FRMD3: variants seen among roughly 807,000 people sequenced by gnomAD.
FRMD3 encodes FERM domain containing 3.
In FRMD3, 33 loss-of-function variants were observed where a neutral mutation model predicts 70.2. The observed-to-expected ratio is 0.47, with a 90% CI of 0.36 to 0.63. The LOEUF is 0.63. Ranked by LOEUF, FRMD3 falls within the 20% of genes least tolerant of loss-of-function variation. The pLI, the probability that FRMD3 is intolerant of heterozygous loss-of-function variation, is 0.00. For synonymous variants in FRMD3, 279 were observed against 255.9 expected (o/e 1.09, Z -0.86); for missense variants, 632 against 711.4 (o/e 0.89, Z 1.27).
chr9:83,492,667 C>A (rs928837807), intron 1 of FRMD3, among the ~76,000 whole-genome samples: 1 of 152,170 alleles, frequency 6.6e-6, no homozygotes, highest in Non-Finnish European at 1.5e-5. Context: ...TTAATGCAGT[C>A]CTTGAAGGGT....
intron 2 of FRMD3, among the ~76,000 whole-genome samples, chr9:83,374,231 G>A (rs183506258): frequency 5.3e-5 from 8 of 152,136 alleles, no homozygotes; most frequent in African/African-American, 1.7e-4. Flanking sequence ...ATTCTTCTCG[G>A]TGAGCACTCC....
Position 83,333,729 on chromosome 9 carries a change from C to T in FRMD3, c.596+1787G>A, listed in dbSNP as rs115582810. On this transcript the variant is annotated intron_variant, in intron 6 of 13. Transcript: ENST00000304195. ...TGGTGATCACCGTGAAACACCTACC[C>T]GACTACCTGATTCCCTTTAAACGCT... 3.1e-3 allele frequency among the ~76,000 whole-genome samples: 469 copies of T among 152,276 alleles called. 2 individuals carry two copies. Among genetic ancestry groups the T allele is most frequent in the African/African-American group, 0.01 (431 of 41,558 alleles).
At chr9:83,536,284 CACAAG>C (rs1371022502) in intron 1 of FRMD3, among the ~76,000 whole-genome samples, 2 of 152,102 alleles carry the variant, frequency 1.3e-5, no homozygotes, top group African/African-American at 4.8e-5. Context: ...TTTCTCAAAA[CACAAG>C]ACAACAAATA....
chr9:83,294,267 C>T (rs1025079477), intron 12 of FRMD3, among the ~76,000 whole-genome samples: 1 of 152,214 alleles, frequency 6.6e-6, no homozygotes, highest in African/African-American at 2.4e-5. Flanking sequence ...GATGCTCAAT[C>T]TGCTGGTGTC....
chr9:83,535,473 T>A (rs946968012), intron 1 of FRMD3, among the ~76,000 whole-genome samples: 1 of 151,898 alleles, frequency 6.6e-6, no homozygotes, highest in Admixed American at 6.6e-5. Context: ...TGAACAGGAG[T>A]GAACAACTAA....
chr9:83,556,651 T>G, the FRMD3 span, among the ~76,000 whole-genome samples: 1 of 152,144 alleles, frequency 6.6e-6, no homozygotes, highest in African/African-American at 2.4e-5. Context: ...GCTTTTGGAA[T>G]TTTCAATTAG....
the FRMD3 span, among the ~76,000 whole-genome samples, chr9:83,585,248 A>G: frequency 6.6e-6 from 1 of 152,220 alleles, no homozygotes; most frequent in Non-Finnish European, 1.5e-5. Context: ...CCACTCAGCC[A>G]GGAGGAACAA....
chr9:83,542,413 T>C (rs1320331615), upstream of FRMD3, among the ~76,000 whole-genome samples: 2 of 152,096 alleles, frequency 1.3e-5, no homozygotes, highest in Non-Finnish European at 2.9e-5. Context: ...ATGCACAAGA[T>C]CTTTATGAGG....
chr9:83,362,810 C>T (rs1276471721), intron 3 of FRMD3, among the ~76,000 whole-genome samples: 1 of 110,508 alleles, frequency 9.0e-6, no homozygotes, highest in Non-Finnish European at 1.9e-5. Context: ...CTTTTTCCTT[C>T]CTTCCCTCCC....
chr9:83,467,773 G>A, intron 1 of FRMD3: 2 of 1,436,190 alleles, frequency 1.4e-6, no homozygotes, highest in Admixed American at 2.5e-5. Flanking sequence ...TTTGAATACT[G>A]CATTGTTTAC....
intron 1 of FRMD3, among the ~76,000 whole-genome samples, chr9:83,437,106 GTCTA>G (rs1210288063): frequency 6.6e-6 from 1 of 152,246 alleles, no homozygotes; most frequent in Non-Finnish European, 1.5e-5. Context: ...ACGGAGTCTT[GTCTA>G]TCAAAGTCAC....
At chr9:83,307,223 C>G (rs986307571) in intron 10 of FRMD3, among the ~76,000 whole-genome samples, 3 of 152,124 alleles carry the variant, frequency 2.0e-5, no homozygotes, top group African/African-American at 7.2e-5. Flanking sequence ...CAAGAAAGAA[C>G]AGAAGAGTTC....
At chr9:83,535,410 TG>T (rs1202010109) in intron 1 of FRMD3, among the ~76,000 whole-genome samples, 1 of 152,148 alleles carries the variant, frequency 6.6e-6, no homozygotes, top group Admixed American at 6.5e-5. Flanking sequence ...CAAGGATGTG[TG>T]GCTTGAGTTT....
intron 1 of FRMD3, among the ~76,000 whole-genome samples, chr9:83,491,517 T>TGG (rs1349397191): frequency 6.6e-6 from 1 of 152,136 alleles, no homozygotes; most frequent in Non-Finnish European, 1.5e-5. Context: ...TTCGACCACC[T>TGG]GGGAGAGAGA....
intron 1 of FRMD3, among the ~76,000 whole-genome samples, chr9:83,507,366 C>CAAAA (rs61570991): frequency 5.1e-4 from 24 of 46,732 alleles, no homozygotes; most frequent in South Asian, 1.2e-3. Flanking sequence ...GACTCCGTCT[C>CAAAA]AAAAAAAAAA....
In FRMD3 at chr9:83,246,296, C is replaced by A. The variant is rs987295950; in HGVS notation, c.*1622G>T. Reference sequence around the variant, plus strand: ...CATGGCATAAGTTCTAGACTCTTATCTTTCTCCCACATAACACAGTATCAG... The same window carrying A: ...CATGGCATAAGTTCTAGACTCTTATATTTCTCCCACATAACACAGTATCAG... On this transcript the variant is annotated 3_prime_UTR_variant, in exon 14 of 14. Transcript: ENST00000304195. The A allele has an allele frequency of 1.0e-6, 1 of 984,844 alleles. No individual in the cohort carries two copies. Among genetic ancestry groups the A allele is most frequent in the Non-Finnish European group, 1.2e-6 (1 of 829,474 alleles). 61.0% of individuals were successfully genotyped at this position (984,844 alleles called of 1,614,324 possible). A position where few individuals can be genotyped will look rare whatever the true frequency, so the allele number is the denominator to read the frequency against.
intron 13 of FRMD3, among the ~76,000 whole-genome samples, chr9:83,266,844 C>A (rs1833279097): frequency 6.6e-6 from 1 of 152,140 alleles, no homozygotes; most frequent in African/African-American, 2.4e-5. Flanking sequence ...CTTGCTCACC[C>A]TCCTTCCCAC....
chr9:83,326,893 G>A (rs1387222170), intron 6 of FRMD3, among the ~76,000 whole-genome samples: 1 of 152,204 alleles, frequency 6.6e-6, no homozygotes, highest in African/African-American at 2.4e-5. Flanking sequence ...GTATTTAGCT[G>A]TATGTCTCCC....
intron 1 of FRMD3, among the ~76,000 whole-genome samples, chr9:83,531,243 A>G (rs1409563299): frequency 6.6e-6 from 1 of 152,208 alleles, no homozygotes; most frequent in African/African-American, 2.4e-5. Flanking sequence ...TTCTGAATAT[A>G]TGAGTCAGTA....
Sources: gnomAD v4.1 joint callset for allele counts (sites outside exome capture counted in the v4.1 genomes callset) on GRCh38, gnomAD v4.1.1 for gene constraint, MANE v1.5 for transcripts, NCBI Gene and HGNC (gene_info 2026-07-23, HGNC 2026-07-21) for gene names.